RBM4: variants seen among roughly 807,000 people sequenced by gnomAD.
RBM4 encodes RNA binding motif protein 4, also known as RNA-binding protein 4.
RBM4 carries 7 observed loss-of-function variants against 29.5 expected under a neutral mutation model. The observed-to-expected ratio is 0.24, with a 90% CI of 0.14 to 0.45. The LOEUF (loss-of-function observed/expected upper bound fraction) is 0.45, where lower values mean the gene tolerates loss of function less well. Ranked by LOEUF, RBM4 falls within the 20% of genes least tolerant of loss-of-function variation. The pLI is 1.00. For missense variants in RBM4, 387 were observed against 502.3 expected (o/e 0.77, Z 2.19); for synonymous variants, 220 against 205.4 (o/e 1.07, Z -0.61).
At position 66,643,867 on chromosome 11, in the gene RBM4, T is replaced by TG; in HGVS notation, c.831dup (p.Pro278AlafsTer53). The TG allele has an allele frequency of 6.2e-7, 1 of 1,613,846 alleles. No individual in the cohort carries two copies. The highest frequency in any genetic ancestry group is 2.2e-5 in the East Asian group (1 of 44,866). On this transcript the variant is annotated frameshift_variant, in exon 3 of 4. Transcript: ENST00000310092. LOFTEE classifies it high-confidence loss of function. The surrounding 1 kb of genome is among the most constrained non-coding windows in gnomAD (Gnocchi z 6.1). ...CTCGATCCCTACGATAGACACCTGTTGCCGACCTCAGGAGCTGCTGCCACA... is the reference window on the plus strand; with the variant it reads ...CTCGATCCCTACGATAGACACCTGTTGGCCGACCTCAGGAGCTGCTGCCACA...
intron 3 of RBM4, 130 bp from the exon 4 acceptor site, chr11:66,645,897 T>C: frequency 1.4e-6 from 2 of 1,471,916 alleles, no homozygotes; most frequent in Non-Finnish European, 1.8e-6. Context: ...ACTGTGATAC[T>C]GGGGGAGAAG....
At chr11:66,657,108 CTTTTTTTTTTT>C (rs748071140) in intron 2 of RBM4, among the ~76,000 whole-genome samples, 1 of 93,438 alleles carries the variant, frequency 1.1e-5, no homozygotes, top group East Asian at 3.4e-4. Context: ...ATTTTTTAGT[CTTTTTTTTTTT>C]TTTTTTTTTT....
chr11:66,668,144 TG>T (rs1188755178), exon 3 of RBM4: 1 of 162,966 alleles, frequency 6.1e-6, no homozygotes, highest in Non-Finnish European at 1.4e-5. Context: ...GTATGGGTTT[TG>T]GTATCAGACA....
intron 2 of RBM4, among the ~76,000 whole-genome samples, chr11:66,658,185 C>T (rs1229466214): frequency 1.3e-5 from 2 of 151,794 alleles, no homozygotes; most frequent in Non-Finnish European, 2.9e-5. Context: ...TGCACCACCA[C>T]GCCCGTCTAA....
intron 2 of RBM4, 97 bp downstream of exon 2, chr11:66,640,220 T>G: frequency 5.3e-6 from 8 of 1,496,048 alleles, no homozygotes; most frequent in Non-Finnish European, 7.4e-6. Flanking sequence ...ATAACAGCTG[T>G]TGGCTGGCTG....
chr11:66,663,466 G>A (rs868721759), intron 2 of RBM4, among the ~76,000 whole-genome samples: 2 of 152,084 alleles, frequency 1.3e-5, no homozygotes, highest in South Asian at 2.1e-4. Context: ...CTTGGTTCAC[G>A]CCATTCTCCT....
intron 2 of RBM4, among the ~76,000 whole-genome samples, chr11:66,654,686 T>G (rs935236307): frequency 7.9e-5 from 11 of 138,704 alleles, no homozygotes; most frequent in African/African-American, 1.9e-4. Context: ...TTAATTTTGT[T>G]TTTTTTTTTT....
Position 66,639,786 on chromosome 11 carries a change from T to C in RBM4, c.75T>C (p.Tyr25=), listed in dbSNP as rs768097603. The change falls in exon 2 of 4, where the codon TAT becomes TAC. Residue 25 remains tyrosine (Y), a synonymous_variant. Transcript: ENST00000310092. The stretch of plus-strand genomic sequence containing the variant: ...AGATTCGCTCACTCTTCGAGCAGTA[T>C]GGGAAGGTGCTGGAATGTGACATCA... ...EQEIRSLFEQ[Y]GKVLECDIIK... 28 of 1,614,090 alleles carry C rather than the reference T, an allele frequency of 1.7e-5. No homozygotes were observed. Among genetic ancestry groups the C allele is most frequent in the Non-Finnish European group, 2.1e-5 (25 of 1,180,002 alleles).
At chr11:66,660,063 T>G (rs1939044353) in intron 2 of RBM4, among the ~76,000 whole-genome samples, 1 of 152,066 alleles carries the variant, frequency 6.6e-6, no homozygotes, top group Non-Finnish European at 1.5e-5. Flanking sequence ...TTATCTATCC[T>G]TTTCTGACCA....
downstream of RBM4, among the ~76,000 whole-genome samples, chr11:66,647,958 G>A (rs770355804): frequency 1.7e-4 from 26 of 151,964 alleles, no homozygotes; most frequent in Non-Finnish European, 3.1e-4. Flanking sequence ...TAATCTCAGC[G>A]CTTTGGGAGG....
At chr11:66,661,054 T>TAA (rs775935335) in intron 2 of RBM4, among the ~76,000 whole-genome samples, 1 of 152,172 alleles carries the variant, frequency 6.6e-6, no homozygotes, top group Admixed American at 6.5e-5. Context: ...GGGTGACAGA[T>TAA]ACACGGTTTG....
intron 2 of RBM4, among the ~76,000 whole-genome samples, chr11:66,642,083 G>A (rs1938491221): frequency 6.6e-6 from 1 of 152,194 alleles, no homozygotes; most frequent in African/African-American, 2.4e-5. Context: ...GTGCATAATT[G>A]CATATCTACT....
intron 2 of RBM4, among the ~76,000 whole-genome samples, chr11:66,654,600 G>A (rs187597428): frequency 5.9e-5 from 9 of 151,580 alleles, no homozygotes; most frequent in African/African-American, 2.2e-4. Flanking sequence ...CTCCCAGGCT[G>A]AAGCTATCCT....
intron 2 of RBM4, among the ~76,000 whole-genome samples, chr11:66,659,418 G>A (rs981085481): frequency 3.3e-5 from 5 of 151,686 alleles, no homozygotes; most frequent in Admixed American, 2.0e-4. Context: ...CTACAGGCAC[G>A]TGCCACTACA....
chr11:66,661,605 A>G (rs1939084793), intron 2 of RBM4, among the ~76,000 whole-genome samples: 1 of 152,238 alleles, frequency 6.6e-6, no homozygotes, highest in Admixed American at 6.5e-5. Flanking sequence ...CAGTTGATAA[A>G]TGAATTCAGG....
At chr11:66,667,435 A>G (rs1024414331) in exon 3 of RBM4, 16 of 152,166 alleles carry the variant, frequency 1.1e-4, no homozygotes, top group African/African-American at 3.6e-4. Context: ...CAAAAAACAC[A>G]AACAAAAATT....
intron 2 of RBM4, among the ~76,000 whole-genome samples, chr11:66,642,476 T>C (rs1938509485): frequency 6.6e-6 from 1 of 152,242 alleles, no homozygotes; most frequent in Non-Finnish European, 1.5e-5. Flanking sequence ...CTGCTTTTAT[T>C]ACATTTTCAG....
In RBM4 at chr11:66,643,289, A is replaced by G. The variant is rs139617348; in HGVS notation, c.413-161A>G. Among the ~76,000 whole-genome samples the G allele has an allele frequency of 2.1e-3, 314 of 151,332 alleles. No individual in the cohort carries two copies. Among genetic ancestry groups the G allele is most frequent in the African/African-American group, 7.0e-3 (287 of 41,258 alleles). On this transcript the variant is annotated intron_variant, in intron 2 of 3. Transcript: ENST00000310092. The surrounding 1 kb of genome is among the most constrained non-coding windows in gnomAD (Gnocchi z 6.1). ...GAAATCAGGTCATTATACTGAATCT[A>G]TATGTTGAGTCTTTTTTTTTTTTCC...
chr11:66,640,437 G>T, intron 2 of RBM4: 1 of 527,960 alleles, frequency 1.9e-6, no homozygotes, highest in Non-Finnish European at 3.3e-6. Context: ...TTATTTTTTT[G>T]TAGTAGAGCA....
Sources: gnomAD v4.1 joint callset for allele counts (sites outside exome capture counted in the v4.1 genomes callset) on GRCh38, gnomAD v4.1.1 for gene constraint, Gnocchi (gnomAD v3.1) non-coding constraint, MANE v1.5 for transcripts, NCBI Gene and HGNC (gene_info 2026-07-23, HGNC 2026-07-21) for gene names.